The following DCDC1 variants were observed in gnomAD, a reference collection of about 807,000 sequenced individuals.
DCDC1 encodes doublecortin domain containing 1.
In DCDC1, 200 loss-of-function variants were observed where a neutral mutation model predicts 178.3. The observed-to-expected ratio is 1.12, with a 90% CI of 1.00 to 1.26. DCDC1 has a LOEUF of 1.26. Among genes scored for constraint, DCDC1 ranks in the 50% most tolerant of loss-of-function variants. The probability of loss-of-function intolerance (pLI) is 0.00; values close to 1 mark genes in which losing one functional copy is unlikely to be tolerated. For synonymous variants in DCDC1, 690 were observed against 604.8 expected (o/e 1.14, Z -2.07); for missense variants, 1,983 against 1,749.2 (o/e 1.13, Z -2.38).
chr11:30,959,005 G>T (rs1239704008), intron 20 of DCDC1, among the ~76,000 whole-genome samples: 2 of 152,066 alleles, frequency 1.3e-5, no homozygotes, highest in Non-Finnish European at 2.9e-5. Flanking sequence ...TACATTAAGG[G>T]CTGAGACTTC....
intron 36 of DCDC1, among the ~76,000 whole-genome samples, chr11:30,884,646 C>T (rs989018490): frequency 7.9e-5 from 12 of 151,738 alleles, no homozygotes; most frequent in Non-Finnish European, 1.0e-4. Flanking sequence ...AATCTATCCC[C>T]AAAACAAAGA....
chr11:31,368,659 TATTAG>T (rs1952099361), intron 1 of DCDC1, among the ~76,000 whole-genome samples: 1 of 152,244 alleles, frequency 6.6e-6, no homozygotes, highest in Non-Finnish European at 1.5e-5. Context: ...TAACTGATCA[TATTAG>T]ATTATTTTAT....
intron 9 of DCDC1, among the ~76,000 whole-genome samples, chr11:31,221,211 A>C (rs1438308666): frequency 6.6e-6 from 1 of 152,176 alleles, no homozygotes; most frequent in Non-Finnish European, 1.5e-5. Context: ...CTAGAGTCTC[A>C]AGTAAATATC....
At chr11:30,897,452 G>C (rs1033528537) in intron 34 of DCDC1, among the ~76,000 whole-genome samples, 4 of 151,872 alleles carry the variant, frequency 2.6e-5, no homozygotes, top group African/African-American at 9.7e-5. Flanking sequence ...AGCCGGGCTT[G>C]GGTGCCTGTA....
intron 20 of DCDC1, among the ~76,000 whole-genome samples, chr11:31,011,170 A>G (rs1952145105): frequency 6.6e-6 from 1 of 152,140 alleles, no homozygotes; most frequent in Admixed American, 6.6e-5. Context: ...GAGCAATTAA[A>G]AAAAATCTCT....
chr11:31,297,628 A>C (rs959228048), intron 6 of DCDC1, among the ~76,000 whole-genome samples: 4 of 152,158 alleles, frequency 2.6e-5, no homozygotes, highest in Non-Finnish European at 5.9e-5. Context: ...CACAGGCATG[A>C]GCCACCATGC....
rs1040244902 is a variant in DCDC1 at position 30,915,604 on chromosome 11, T to C, written c.3560A>G (p.Gln1187Arg). ...CATGCCTGATCGGAGATTGGGACCT[T>C]GAACCCCCAAGACTAGCTGAGGAGC... is the stretch of plus-strand genomic sequence containing the variant. ...HAAPQLVLGV[Q>R]GPNLRSGMEV... Residue 1187 changes from glutamine to arginine, a missense_variant, in exon 27 of 39, where the codon CAA becomes CGA. Coordinates refer to ENST00000684477, the MANE Select transcript of DCDC1 (RefSeq NM_001387274.1). 9.9e-6 allele frequency: 16 copies of C among 1,613,870 alleles called. No homozygotes were observed. In the South Asian group the frequency reaches 1.1e-4, roughly 11 times the overall value.
chr11:30,955,331 A>G (rs1948706349), intron 20 of DCDC1, among the ~76,000 whole-genome samples: 1 of 152,150 alleles, frequency 6.6e-6, no homozygotes, highest in Non-Finnish European at 1.5e-5. Context: ...TCCTAGTTGC[A>G]TTTATATCAG....
At chr11:30,975,558 T>C (rs764023719) in intron 20 of DCDC1, among the ~76,000 whole-genome samples, 1 of 152,050 alleles carries the variant, frequency 6.6e-6, no homozygotes, top group Non-Finnish European at 1.5e-5. Flanking sequence ...TTGGTAGTAT[T>C]TCTATATACC....
chr11:30,876,386 G>T (rs1481296496), intron 38 of DCDC1, among the ~76,000 whole-genome samples: 1 of 152,144 alleles, frequency 6.6e-6, no homozygotes, highest in Non-Finnish European at 1.5e-5. Flanking sequence ...AACCAAAGAG[G>T]AAGGTCAAGA....
chr11:30,949,711 T>C (rs964674476), intron 21 of DCDC1, among the ~76,000 whole-genome samples: 2 of 152,034 alleles, frequency 1.3e-5, no homozygotes, highest in African/African-American at 4.8e-5. Flanking sequence ...TGCAGGGACA[T>C]GGATGAAGCT....
Position 31,328,383 on chromosome 11 carries a change from G to A in DCDC1, c.-6-97C>T, listed in dbSNP as rs561929597. On this transcript the variant is annotated intron_variant, in intron 2 of 38. Coordinates refer to ENST00000684477, the MANE Select transcript of DCDC1 (RefSeq NM_001387274.1). ...TTAAACACAACTTACTTGTCATCAT[G>A]TGATTCTAGACCATATAGCAATGAT... is the stretch of plus-strand genomic sequence containing the variant. The A allele has an allele frequency of 1.5e-5, 18 of 1,230,000 alleles. No individual in the cohort carries two copies. In the East Asian group the frequency reaches 3.6e-4, roughly 24 times the overall value. The allele number at this position is 1,230,000 out of a possible 1,614,324, so 76.2% of individuals were successfully genotyped here.
At chr11:30,904,905 T>C (rs1944950348) in intron 31 of DCDC1, 56 bp downstream of exon 31, 2 of 1,596,236 alleles carry the variant, frequency 1.3e-6, no homozygotes, top group African/African-American at 2.7e-5. Context: ...TTAAGAAGAA[T>C]TGCCATTGTC....
intron 9 of DCDC1, among the ~76,000 whole-genome samples, chr11:31,184,488 A>G (rs1969231498): frequency 6.6e-6 from 1 of 152,208 alleles, no homozygotes; most frequent in African/African-American, 2.4e-5. Context: ...AATTATCATC[A>G]GAGTGAACAG....
chr11:31,316,046 A>AG (rs755078410), intron 3 of DCDC1, among the ~76,000 whole-genome samples: 28,788 of 60,706 alleles, frequency 0.47, 8,400 homozygotes, highest in African/African-American at 0.75. Context: ...TTCTTAATCC[A>AG]TCTATCATTG....
At chr11:31,202,780 TG>T (rs1285444565) in intron 9 of DCDC1, among the ~76,000 whole-genome samples, 5 of 152,160 alleles carry the variant, frequency 3.3e-5, no homozygotes, top group African/African-American at 1.2e-4. Context: ...GTTGAGAGTT[TG>T]GGTCCTCTGC....
At chr11:31,346,922 T>G (rs1353522849) in intron 1 of DCDC1, among the ~76,000 whole-genome samples, 1 of 152,246 alleles carries the variant, frequency 6.6e-6, no homozygotes, top group East Asian at 1.9e-4. Context: ...CTATTAGATA[T>G]ATTTTAAATA....
intron 15 of DCDC1, among the ~76,000 whole-genome samples, chr11:31,099,788 G>T (rs191411730): frequency 1.3e-5 from 2 of 150,068 alleles, no homozygotes; most frequent in Non-Finnish European, 1.5e-5. Flanking sequence ...GCGCAATCTC[G>T]GCTCACTACA....
intron 6 of DCDC1, among the ~76,000 whole-genome samples, chr11:31,303,865 C>G (rs945273437): frequency 6.6e-6 from 1 of 152,080 alleles, no homozygotes; most frequent in African/African-American, 2.4e-5. Context: ...CAACAACTGT[C>G]GAGCAGCATA....
Sources: gnomAD v4.1 joint callset for allele counts (sites outside exome capture counted in the v4.1 genomes callset) on GRCh38, gnomAD v4.1.1 for gene constraint, MANE v1.5 for transcripts, NCBI Gene and HGNC (gene_info 2026-07-23, HGNC 2026-07-21) for gene names.